CDC42BPA: variants seen among roughly 807,000 people sequenced by gnomAD.
CDC42BPA encodes the protein CDC42 binding protein kinase alpha, also known as serine/threonine-protein kinase MRCK alpha.
CDC42BPA carries 80 observed loss-of-function variants against 223.5 expected under a neutral mutation model. The ratio of observed to expected loss-of-function variants is 0.36; its 90% CI spans 0.30 to 0.43. The LOEUF is 0.43. Among genes scored for constraint, CDC42BPA ranks in the 20% least tolerant of loss-of-function variants. CDC42BPA has a pLI of 1.00. For synonymous variants in CDC42BPA, 694 were observed against 718.6 expected, an observed-to-expected ratio of 0.97 and a Z score of 0.55; for missense variants, 1,743 against 2,099.9, an observed-to-expected ratio of 0.83 and a Z score of 3.32.
intron 6 of CDC42BPA, among the ~76,000 whole-genome samples, chr1:227,159,032 C>T (rs1257040598): frequency 2.6e-5 from 4 of 152,264 alleles, no homozygotes; most frequent in African/African-American, 9.6e-5. Flanking sequence ...TATTATGCTG[C>T]CTGTTGTCCA....
intron 3 of CDC42BPA, among the ~76,000 whole-genome samples, chr1:227,200,438 A>AAAAAC (rs61509120): frequency 0.025 from 2,362 of 95,998 alleles, 36 homozygotes; most frequent in Non-Finnish European, 0.043. Flanking sequence ...CTTAAAAAAC[A>AAAAAC]AACAAACAAA....
At chr1:227,023,494 T>G in intron 31 of CDC42BPA, 147 bp from the exon 32 acceptor site, 1 of 500,538 alleles carries the variant, frequency 2.0e-6, no homozygotes, top group East Asian at 3.3e-5. Flanking sequence ...CAACAATAAT[T>G]CTGACTGGAA....
At chr1:227,072,113 T>C (rs952042736) in intron 20 of CDC42BPA, 95 bp downstream of exon 20, 4 of 691,518 alleles carry the variant, frequency 5.8e-6, no homozygotes, top group African/African-American at 5.6e-5. Context: ...ATGTCAACAA[T>C]TCTCCCACCT....
intron 5 of CDC42BPA, among the ~76,000 whole-genome samples, chr1:227,169,738 T>C (rs1030855002): frequency 1.3e-5 from 2 of 152,180 alleles, no homozygotes; most frequent in African/African-American, 4.8e-5. Context: ...CCATCTTCTT[T>C]GAGGATGTAT....
chr1:227,250,231 T>G (rs1013055550), intron 2 of CDC42BPA, among the ~76,000 whole-genome samples: 1 of 152,010 alleles, frequency 6.6e-6, no homozygotes, highest in African/African-American at 2.4e-5. Flanking sequence ...TCACACCTGT[T>G]AATCCCAGCA....
Position 227,199,504 on chromosome 1 carries a change from G to A in CDC42BPA, c.450+53C>T, listed in dbSNP as rs1357323866. 5 of 994,140 alleles carry A rather than the reference G, an allele frequency of 5.0e-6. No homozygotes were observed. In the East Asian group the frequency reaches 1.3e-4, roughly 25 times the overall value. The allele number at this position is 994,140 out of a possible 1,614,324, so 61.6% of individuals were successfully genotyped here. A position where few individuals can be genotyped will look rare whatever the true frequency, so the allele number is the denominator to read the frequency against. ...TAAACAATGCTTAAATAAAAATAAT[G>A]CTAATTCTTCCAACAAAAAAACAGT... On this transcript the variant is annotated intron_variant, in intron 4 of 36. Transcript: ENST00000366766.
intron 15 of CDC42BPA, among the ~76,000 whole-genome samples, chr1:227,100,142 T>C (rs1276864645): frequency 6.6e-6 from 1 of 152,136 alleles, no homozygotes; most frequent in Non-Finnish European, 1.5e-5. Context: ...TGCTCCCTCA[T>C]TTCTCACAGC....
intron 20 of CDC42BPA, among the ~76,000 whole-genome samples, chr1:227,071,819 T>C (rs371031719): frequency 2.0e-5 from 3 of 147,646 alleles, no homozygotes; most frequent in African/African-American, 7.4e-5. Context: ...ACATTGCCAC[T>C]GTCAGAGTGA....
intron 11 of CDC42BPA, among the ~76,000 whole-genome samples, chr1:227,128,257 C>CT (rs1656261835): frequency 6.6e-6 from 1 of 152,180 alleles, no homozygotes; most frequent in African/African-American, 2.4e-5. Flanking sequence ...AACTGTATGG[C>CT]TAACCCCCTT....
rs1670053035 is a variant in CDC42BPA, at chr1:227,035,540, T to G, written c.3267A>C (p.Glu1089Asp). Residue 1089 changes from glutamate to aspartate, a missense_variant, in exon 25 of 37, where the codon GAA becomes GAC. By Grantham distance (45) the Glu-to-Asp change is conservative (BLOSUM62 2). Transcript: ENST00000366766. ...KAPTTCPVPP[E>D]QTKGPLGIDP... is the part of the protein sequence containing the mutation. The stretch of plus-strand genomic sequence containing the variant: ...CTATACCCAGGGGACCTTTTGTCTG[T>G]TCAGGAGGAACTGGACAAGTGGTTG... 6.2e-7 allele frequency: 1 copy of G among 1,611,362 alleles called. No individual in the cohort carries two copies. The highest frequency in any genetic ancestry group is 1.3e-5 in the African/African-American group (1 of 74,816).
chr1:227,000,096 A>T (rs1289056955), intron 35 of CDC42BPA, among the ~76,000 whole-genome samples: 1 of 15,112 alleles, frequency 6.6e-5, no homozygotes, highest in African/African-American at 1.2e-4. Context: ...CTTAAAGTAT[A>T]ATAATAATAA....
chr1:227,303,477 C>A (rs2148755043), intron 1 of CDC42BPA, among the ~76,000 whole-genome samples: 1 of 152,312 alleles, frequency 6.6e-6, no homozygotes, highest in African/African-American at 2.4e-5. Context: ...GAACATCCAA[C>A]ATTTGTTTGA....
At chr1:227,240,791 A>G (rs1203455086) in intron 2 of CDC42BPA, among the ~76,000 whole-genome samples, 1 of 148,624 alleles carries the variant, frequency 6.7e-6, no homozygotes, top group Non-Finnish European at 1.5e-5. Context: ...AGGCTTTTAG[A>G]AAAAAAAAAC....
chr1:227,019,688 A>G (rs1005653563), intron 32 of CDC42BPA, among the ~76,000 whole-genome samples: 5 of 152,206 alleles, frequency 3.3e-5, no homozygotes, highest in African/African-American at 1.2e-4. Flanking sequence ...TGAAAATATC[A>G]TCAATCTCCT....
chr1:227,024,137 G>A (rs955876910), intron 31 of CDC42BPA, among the ~76,000 whole-genome samples: 1 of 152,022 alleles, frequency 6.6e-6, no homozygotes, highest in African/African-American at 2.4e-5. Flanking sequence ...AGAAAAATAT[G>A]GCCAATCCAA....
At chr1:226,998,949 G>GA (rs1329574806) in intron 35 of CDC42BPA, among the ~76,000 whole-genome samples, 2 of 151,432 alleles carry the variant, frequency 1.3e-5, no homozygotes, top group Non-Finnish European at 2.9e-5. Context: ...AAATTTACAA[G>GA]AAAAAAAACC....
intron 16 of CDC42BPA, among the ~76,000 whole-genome samples, chr1:227,081,281 CT>C (rs141743743): frequency 0.055 from 8,212 of 149,238 alleles, 252 homozygotes; most frequent in Non-Finnish European, 0.074. Context: ...TTGGTAATAG[CT>C]TTTTTTTTTC....
chr1:226,995,424 C>T (rs1343743), intron 35 of CDC42BPA, among the ~76,000 whole-genome samples: 57,402 of 151,986 alleles, frequency 0.38, 11,498 homozygotes, highest in Non-Finnish European at 0.46. Flanking sequence ...CTTTGCCTCT[C>T]CAGGGCCTAG....
intron 21 of CDC42BPA, chr1:227,059,308 G>T: frequency 7.4e-7 from 1 of 1,355,814 alleles, no homozygotes; most frequent in Non-Finnish European, 1.0e-6. Flanking sequence ...CGCAATCACA[G>T]GCAAAAGGAT....
Sources: gnomAD v4.1 joint callset for allele counts (sites outside exome capture counted in the v4.1 genomes callset) on GRCh38, gnomAD v4.1.1 for gene constraint, MANE v1.5 for transcripts, NCBI Gene and HGNC (gene_info 2026-07-23, HGNC 2026-07-21) for gene names.